Variants in SUCLG2 observed in about 807,000 individuals in gnomAD.
SUCLG2 encodes succinate-CoA ligase GDP-forming subunit beta, also known as succinate--CoA ligase [GDP-forming] subunit beta, mitochondrial.
SUCLG2 carries 42 observed loss-of-function variants against 47.9 expected under a neutral mutation model. The ratio of observed to expected loss-of-function variants is 0.88; its 90% CI spans 0.69 to 1.14. The LOEUF (loss-of-function observed/expected upper bound fraction) is 1.14, where lower values mean the gene tolerates loss of function less well. Among genes scored for constraint, SUCLG2 ranks in the 50% most tolerant of loss-of-function variants. The pLI is 0.00. For missense variants in SUCLG2, 571 were observed against 525.9 expected (o/e 1.09, Z -0.84); for synonymous variants, 195 against 197.3 (o/e 0.99, Z 0.10).
downstream of SUCLG2, among the ~76,000 whole-genome samples, chr3:67,371,098 C>G (rs1701947402): frequency 6.6e-6 from 1 of 152,154 alleles, no homozygotes; most frequent in African/African-American, 2.4e-5. Flanking sequence ...GTGTTAATGA[C>G]TACTACATCA....
chr3:67,545,802 T>C (rs1323223445), intron 2 of SUCLG2, among the ~76,000 whole-genome samples: 1 of 152,220 alleles, frequency 6.6e-6, no homozygotes, highest in Admixed American at 6.5e-5. Flanking sequence ...TTCCAAGTTA[T>C]TTAATTTGCA....
chr3:67,518,671 T>C (rs1706017412), intron 5 of SUCLG2, among the ~76,000 whole-genome samples: 1 of 152,224 alleles, frequency 6.6e-6, no homozygotes. Flanking sequence ...GTTTCCAAAG[T>C]AAGGTTTTCC....
intron 1 of SUCLG2, among the ~76,000 whole-genome samples, chr3:67,642,678 G>A (rs1701121607): frequency 1.3e-5 from 2 of 152,122 alleles, no homozygotes; most frequent in Non-Finnish European, 2.9e-5. Context: ...CTTCCTCCTA[G>A]GGCTGCCATG....
chr3:67,424,326 T>G (rs1703246051), intron 9 of SUCLG2, among the ~76,000 whole-genome samples: 1 of 152,224 alleles, frequency 6.6e-6, no homozygotes, highest in Admixed American at 6.5e-5. Context: ...CCGGATTATC[T>G]TTTTGACATC....
intron 1 of SUCLG2, among the ~76,000 whole-genome samples, chr3:67,646,014 C>A (rs1403354557): frequency 1.3e-5 from 2 of 150,656 alleles, no homozygotes; most frequent in Admixed American, 6.6e-5. Context: ...TAATGCTGAT[C>A]CCTACTTCTA....
chr3:67,549,902 T>C (rs1706968072), intron 2 of SUCLG2, among the ~76,000 whole-genome samples: 1 of 152,162 alleles, frequency 6.6e-6, no homozygotes, highest in South Asian at 2.1e-4. Context: ...ATATTGTATC[T>C]GCAAATGGGG....
intron 2 of SUCLG2, among the ~76,000 whole-genome samples, chr3:67,566,896 C>A (rs555790038): frequency 6.6e-6 from 1 of 152,260 alleles, no homozygotes; most frequent in Non-Finnish European, 1.5e-5. Flanking sequence ...CTTTAAAAGG[C>A]AAGAAAGACT....
chr3:67,363,145 C>T (rs1186943509), intron 10 of SUCLG2, among the ~76,000 whole-genome samples: 1 of 152,080 alleles, frequency 6.6e-6, no homozygotes, highest in Non-Finnish European at 1.5e-5. Context: ...TCTTGCTCAA[C>T]CAAAAAATAA....
intron 7 of SUCLG2, among the ~76,000 whole-genome samples, chr3:67,507,970 C>T (rs1705683916): frequency 6.6e-6 from 1 of 151,724 alleles, no homozygotes; most frequent in Non-Finnish European, 1.5e-5. Context: ...ACCACACACA[C>T]ATTTACAAGC....
chr3:67,410,526 C>G (rs1262806356), intron 9 of SUCLG2, among the ~76,000 whole-genome samples: 1 of 152,108 alleles, frequency 6.6e-6, no homozygotes, highest in Non-Finnish European at 1.5e-5. Context: ...GTTCCCGTAT[C>G]CTTTTGAACT....
intron 1 of SUCLG2, among the ~76,000 whole-genome samples, chr3:67,628,306 TTTAG>T (rs1700869723): frequency 6.6e-6 from 1 of 152,194 alleles, no homozygotes; most frequent in Admixed American, 6.5e-5. Context: ...AGGCATTCGA[TTTAG>T]TTTTTTATTG....
At chr3:67,622,318 A>C (rs887875622) in intron 1 of SUCLG2, among the ~76,000 whole-genome samples, 2 of 152,208 alleles carry the variant, frequency 1.3e-5, no homozygotes, top group Non-Finnish European at 2.9e-5. Context: ...ATAATAGTAA[A>C]CAATCTTAGG....
intron 1 of SUCLG2, among the ~76,000 whole-genome samples, chr3:67,634,132 A>G (rs1364403731): frequency 6.6e-6 from 1 of 152,208 alleles, no homozygotes; most frequent in Admixed American, 6.5e-5. Flanking sequence ...TCGTATCCAC[A>G]TGATCCTGCA....
chr3:67,633,891 T>A (rs924736855), intron 1 of SUCLG2, among the ~76,000 whole-genome samples: 3 of 152,112 alleles, frequency 2.0e-5, no homozygotes, highest in African/African-American at 7.2e-5. Flanking sequence ...ATTTTTAAAA[T>A]ATTTCTTATA....
Position 67,536,714 on chromosome 3 carries a change from G to T in SUCLG2, c.227-7528C>A, listed in dbSNP as rs147540423. On this transcript the variant is annotated intron_variant, in intron 2 of 10. Coordinates refer to ENST00000307227, the MANE Select transcript of SUCLG2 (RefSeq NM_003848.4). ...CAAACTCCCTCTCACAGACTCCTGA[G>T]CCCAGTACAAATCAAGGATTCAGGC... Among the ~76,000 whole-genome samples, 676 of 152,256 alleles carry T rather than the reference G, an allele frequency of 4.4e-3. 8 individuals carry two copies. The East Asian group carries it at 0.054, about 12-fold the overall frequency.
intron 10 of SUCLG2, among the ~76,000 whole-genome samples, chr3:67,369,501 C>T (rs922909963): frequency 6.6e-6 from 1 of 152,192 alleles, no homozygotes; most frequent in Non-Finnish European, 1.5e-5. Context: ...TCCCTGAGAG[C>T]TGGGAAGTGC....
At chr3:67,641,953 C>T (rs551665104) in intron 1 of SUCLG2, among the ~76,000 whole-genome samples, 25 of 152,180 alleles carry the variant, frequency 1.6e-4, no homozygotes, top group Non-Finnish European at 2.6e-4. Context: ...ATGGCTTTCT[C>T]CCTGGGCGTG....
intron 1 of SUCLG2, among the ~76,000 whole-genome samples, chr3:67,642,529 G>T (rs1701119139): frequency 6.6e-6 from 1 of 152,082 alleles, no homozygotes; most frequent in African/African-American, 2.4e-5. Context: ...AGGATTCATT[G>T]TGCCCAGAAG....
At chr3:67,522,281 G>A (rs1706128993) in intron 4 of SUCLG2, among the ~76,000 whole-genome samples, 1 of 151,970 alleles carries the variant, frequency 6.6e-6, no homozygotes, top group African/African-American at 2.4e-5. Flanking sequence ...CTGGACTCAA[G>A]CAATACACTC....
Sources: allele counts gnomAD v4.1 joint callset (sites outside exome capture counted in the v4.1 genomes callset), GRCh38; gene constraint gnomAD v4.1.1; transcripts MANE v1.5; gene names NCBI Gene and HGNC (gene_info 2026-07-23, HGNC 2026-07-21).